The following FBXL17 variants were observed in gnomAD, a reference collection of about 807,000 sequenced individuals.
FBXL17 encodes the protein F-box and leucine rich repeat protein 17.
In FBXL17, 22 loss-of-function variants were observed where a neutral mutation model predicts 66.2. The ratio of observed to expected loss-of-function variants is 0.33; its 90% CI spans 0.24 to 0.47. FBXL17 has a LOEUF of 0.47. FBXL17 is among the 20% of genes least tolerant of loss of function. The probability of loss-of-function intolerance (pLI) is 1.00; values close to 1 mark genes in which losing one functional copy is unlikely to be tolerated. For synonymous variants in FBXL17, 474 were observed against 400.5 expected, an observed-to-expected ratio of 1.18 and a Z score of -2.19; for missense variants, 878 against 948.2, an observed-to-expected ratio of 0.93 and a Z score of 0.97.
intron 7 of FBXL17, among the ~76,000 whole-genome samples, chr5:107,959,882 G>A (rs760931350): frequency 2.0e-5 from 3 of 152,096 alleles, no homozygotes; most frequent in Non-Finnish European, 4.4e-5. Context: ...AGCTCTGGGA[G>A]GTTTATTCAG....
At chr5:108,068,632 T>A (rs1045670770) in intron 6 of FBXL17, among the ~76,000 whole-genome samples, 3 of 151,936 alleles carry the variant, frequency 2.0e-5, no homozygotes, top group African/African-American at 4.8e-5. Flanking sequence ...ATTTTTTGTA[T>A]TTTTTTAGTA....
chr5:108,308,890 G>T (rs1465338109), intron 4 of FBXL17, among the ~76,000 whole-genome samples: 1 of 152,018 alleles, frequency 6.6e-6, no homozygotes, highest in Non-Finnish European at 1.5e-5. Context: ...AATATAAATT[G>T]ACACAACTAT....
chr5:108,141,062 T>C (rs1236903429), intron 6 of FBXL17, among the ~76,000 whole-genome samples: 1 of 152,176 alleles, frequency 6.6e-6, no homozygotes, highest in Non-Finnish European at 1.5e-5. Flanking sequence ...TATTCAGAGT[T>C]TCCTTCACGG....
At chr5:108,275,674 T>C (rs1409338990) in intron 4 of FBXL17, among the ~76,000 whole-genome samples, 1 of 152,194 alleles carries the variant, frequency 6.6e-6, no homozygotes, top group East Asian at 1.9e-4. Context: ...CAACATATTA[T>C]TCAAATTTTG....
intron 7 of FBXL17, among the ~76,000 whole-genome samples, chr5:107,949,194 A>AAG (rs1554051302): frequency 6.6e-6 from 1 of 151,610 alleles, no homozygotes; most frequent in African/African-American, 2.4e-5. Context: ...AAAAAAAAAA[A>AAG]AAAGAAAGAA....
In FBXL17 at chr5:108,145,993, C is replaced by A. The variant is rs376363570; in HGVS notation, c.1745+40124G>T. Among the ~76,000 whole-genome samples, 642 of 151,878 alleles carry A rather than the reference C, an allele frequency of 4.2e-3. 4 individuals carry two copies. Among genetic ancestry groups the A allele is most frequent in the African/African-American group, 0.015 (613 of 41,438 alleles). On this transcript the variant is annotated intron_variant, in intron 6 of 8. Transcript: ENST00000542267. The stretch of plus-strand genomic sequence containing the variant: ...CAGCACTTTGGGAGGCCGAGGCGGG[C>A]GGATCACGAGGTCAGGAGATCGAAA...
At position 108,367,934 on chromosome 5, in the gene FBXL17, A is replaced by G; in HGVS notation, c.1013T>C (p.Leu338Pro). Reference sequence around the variant, plus strand: ...TGATGCGGAAAGGCAACGCTCATCCAGTGACAAATTGGAAAATATCTGTGA... The same window carrying G: ...TGATGCGGAAAGGCAACGCTCATCCGGTGACAAATTGGAAAATATCTGTGA... ...ILLKIFSNLSLDERCLSASLV... is the reference protein window; with the variant it reads ...ILLKIFSNLSPDERCLSASLV... Residue 338 changes from leucine (L) to proline (P), a missense_variant, in exon 2 of 9, where the codon CTG becomes CCG. Physicochemically the swap from Leu to Pro is moderately conservative, Grantham distance 98. Around this residue, in one of 4 missense-constraint regions of FBXL17, gnomAD observed 605 missense variants for 509.5 expected, o/e 1.19. Transcript: ENST00000542267. 6.4e-7 allele frequency: 1 copy of G among 1,550,802 alleles called. No homozygotes were observed. Among genetic ancestry groups the G allele is most frequent in the Non-Finnish European group, 8.7e-7 (1 of 1,146,356 alleles).
chr5:108,249,342 T>A (rs1421490028), intron 4 of FBXL17, among the ~76,000 whole-genome samples: 1 of 152,130 alleles, frequency 6.6e-6, no homozygotes, highest in Admixed American at 6.6e-5. Context: ...CTGACTGATA[T>A]AAGAGCTCCG....
chr5:107,947,919 A>G (rs1483242673), intron 7 of FBXL17, among the ~76,000 whole-genome samples: 1 of 152,258 alleles, frequency 6.6e-6, no homozygotes. Flanking sequence ...TTTAAAAGAT[A>G]CTCTGAACAG....
chr5:108,033,267 T>C (rs1432586343), intron 6 of FBXL17, among the ~76,000 whole-genome samples: 1 of 152,318 alleles, frequency 6.6e-6, no homozygotes, highest in African/African-American at 2.4e-5. Flanking sequence ...CATTTCAAAG[T>C]GCAGACATTG....
intron 6 of FBXL17, among the ~76,000 whole-genome samples, chr5:108,169,228 G>A (rs989087392): frequency 2.6e-5 from 4 of 152,152 alleles, no homozygotes; most frequent in African/African-American, 7.2e-5. Context: ...ATAAACTTGT[G>A]AGAAAAATCT....
chr5:107,967,449 A>G (rs1311706815), intron 7 of FBXL17, among the ~76,000 whole-genome samples: 1 of 149,716 alleles, frequency 6.7e-6, no homozygotes, highest in East Asian at 2.0e-4. Context: ...CGTTTAAAAC[A>G]ACATTTTCAC....
At chr5:108,251,494 C>G (rs1014148405) in intron 4 of FBXL17, among the ~76,000 whole-genome samples, 3 of 152,020 alleles carry the variant, frequency 2.0e-5, no homozygotes, top group African/African-American at 7.2e-5. Context: ...AATCAAGTAA[C>G]AGTTTAATAG....
chr5:108,187,817 A>C (rs570479284), intron 5 of FBXL17, among the ~76,000 whole-genome samples: 26 of 152,222 alleles, frequency 1.7e-4, no homozygotes, highest in Non-Finnish European at 8.8e-5. Context: ...CTTCTAACTT[A>C]CAGAATAGTG....
chr5:108,346,342 T>A (rs1747278211), intron 4 of FBXL17, among the ~76,000 whole-genome samples: 1 of 151,762 alleles, frequency 6.6e-6, no homozygotes, highest in African/African-American at 2.4e-5. Flanking sequence ...TAAAAAAAAA[T>A]ACAAAACTGA....
chr5:107,968,133 G>A (rs1267966229), intron 7 of FBXL17, among the ~76,000 whole-genome samples: 2 of 152,052 alleles, frequency 1.3e-5, no homozygotes, highest in Non-Finnish European at 2.9e-5. Flanking sequence ...GAGTAACAAG[G>A]GCAACAGCAT....
At chr5:108,143,394 T>C (rs939473224) in intron 6 of FBXL17, among the ~76,000 whole-genome samples, 2 of 151,546 alleles carry the variant, frequency 1.3e-5, no homozygotes, top group Non-Finnish European at 2.9e-5. Flanking sequence ...TAACATGCTA[T>C]TAATGTATTT....
intron 7 of FBXL17, among the ~76,000 whole-genome samples, chr5:107,987,792 A>G (rs1305946290): frequency 1.3e-5 from 2 of 152,094 alleles, no homozygotes; most frequent in Non-Finnish European, 2.9e-5. Context: ...GAATACCCTT[A>G]GGATGGAGTG....
rs1749843380 is a variant in FBXL17 at position 108,381,000 on chromosome 5, C to T, written c.692G>A (p.Gly231Glu). 8.3e-7 allele frequency: 1 copy of T among 1,199,798 alleles called. No individual in the cohort carries two copies. The highest frequency in any genetic ancestry group is 1.0e-6 in the Non-Finnish European group (1 of 967,474). The allele number at this position is 1,199,798 out of a possible 1,614,324, so 74.3% of individuals were successfully genotyped here. The change falls in exon 1 of 9, where the codon GGG (glycine) becomes GAG (glutamate). Residue 231 changes from glycine (G) to glutamate (E), a missense_variant. Physicochemically the swap from Gly to Glu is moderately conservative, Grantham distance 98. Transcript: ENST00000542267. Reference sequence around the variant, plus strand: ...CGGCGAAGCGCCTCCCCCCGCAGGCCCTCCCCCGCCACCGCCGCCGCCGCC... The same window carrying T: ...CGGCGAAGCGCCTCCCCCCGCAGGCTCTCCCCCGCCACCGCCGCCGCCGCC... ...GGGGGGGGGGGPAGGGASPPR... is the reference protein window; with the variant it reads ...GGGGGGGGGGEPAGGGASPPR...
Sources: gnomAD v4.1 joint callset for allele counts (sites outside exome capture counted in the v4.1 genomes callset) on GRCh38, gnomAD v4.1.1 for gene constraint, gnomAD v4.1.1 regional missense constraint, MANE v1.5 for transcripts, NCBI Gene and HGNC (gene_info 2026-07-23, HGNC 2026-07-21) for gene names.